TBCD: variants seen among roughly 807,000 people sequenced by gnomAD.
TBCD encodes tubulin-specific chaperone D.
In TBCD, 105 loss-of-function variants were observed where a neutral mutation model predicts 169.3. The ratio of observed to expected loss-of-function variants is 0.62; its 90% CI spans 0.53 to 0.73. The LOEUF is 0.73. TBCD is among the 30% of genes least tolerant of loss of function. TBCD has a pLI of 0.00. For missense variants in TBCD, 1,444 were observed against 1,600.1 expected (o/e 0.90, Z 1.66); for synonymous variants, 700 against 643.9 (o/e 1.09, Z -1.32).
chr17:82,931,937 T>C lies in TBCD; in HGVS notation c.3114-721T>C, dbSNP rs56314610. On this transcript the variant is annotated intron_variant, in intron 33 of 38. Coordinates refer to ENST00000355528, the MANE Select transcript of TBCD (RefSeq NM_005993.5). ...TCTGAGGTCACTCTCACTGGCGCGT[T>C]GCTGTTTTATATTCTCTTTGGAGAA... The C allele has an allele frequency of 2.9e-3, 445 of 152,622 alleles. 3 individuals are homozygous for C. The highest frequency in any genetic ancestry group is 5.7e-3 in the Non-Finnish European group (391 of 68,258). 9.5% of individuals were successfully genotyped at this position (152,622 alleles called of 1,614,324 possible). A position where few individuals can be genotyped will look rare whatever the true frequency, so the allele number is the denominator to read the frequency against.
chr17:82,897,779 C>G (rs1207309762), intron 17 of TBCD, among the ~76,000 whole-genome samples: 1 of 152,212 alleles, frequency 6.6e-6, no homozygotes, highest in Non-Finnish European at 1.5e-5. Context: ...CTGCTGCCTG[C>G]CTCATCAGCT....
At chr17:82,941,348 A>C (rs1048372279) in intron 37 of TBCD, 51 bp from the exon 38 acceptor site, 16 of 1,501,110 alleles carry the variant, frequency 1.1e-5, no homozygotes, top group Non-Finnish European at 1.4e-5. Flanking sequence ...CGCACACCTG[A>C]GGTTCTCCGG....
chr17:82,856,955 CGCGTGCGG>C, intron 13 of TBCD, among the ~76,000 whole-genome samples: 1 of 145,856 alleles, frequency 6.9e-6, no homozygotes, highest in African/African-American at 2.6e-5. Flanking sequence ...ATCGCTGGAC[CGCGTGCGG>C]ACCCTCGGTG....
intron 6 of TBCD, among the ~76,000 whole-genome samples, chr17:82,779,505 A>G (rs1294978845): frequency 6.6e-6 from 1 of 152,300 alleles, no homozygotes; most frequent in East Asian, 1.9e-4. Flanking sequence ...CCACAGGGAC[A>G]GTGGCGGAGG....
At chr17:82,866,360 C>G (rs1453618976) in intron 13 of TBCD, among the ~76,000 whole-genome samples, 1 of 152,218 alleles carries the variant, frequency 6.6e-6, no homozygotes, top group Non-Finnish European at 1.5e-5. Flanking sequence ...CTTGGTTTTT[C>G]TGTTCTTGTT....
At chr17:82,852,980 G>C (rs2055927588) in intron 13 of TBCD, among the ~76,000 whole-genome samples, 1 of 152,224 alleles carries the variant, frequency 6.6e-6, no homozygotes, top group South Asian at 2.1e-4. Flanking sequence ...TAGTGATGAT[G>C]ATGGAGAGCG....
Position 82,925,092 on chromosome 17 carries a change from G to A in TBCD, c.2379+35G>A, listed in dbSNP as rs2147218746. ...GCCACGCGCAGTGGACGGGGCCTAG[G>A]GCGAGGGTGTGGGAGCCTCGTGTGT... is the stretch of plus-strand genomic sequence containing the variant. On this transcript the variant is annotated intron_variant, in intron 27 of 38. Coordinates refer to ENST00000355528, the MANE Select transcript of TBCD (RefSeq NM_005993.5). 3 of 1,509,572 alleles carry A rather than the reference G, an allele frequency of 2.0e-6. No individual in the cohort carries two copies. The East Asian group carries it at 7.4e-5, about 37-fold the overall frequency. 93.5% of individuals were successfully genotyped at this position (1,509,572 alleles called of 1,614,324 possible).
chr17:82,801,811 C>T (rs117948248), intron 9 of TBCD, among the ~76,000 whole-genome samples: 12,805 of 129,312 alleles, frequency 0.099, 729 homozygotes, highest in East Asian at 0.14. Context: ...TCGGAGTCAG[C>T]GTGGCAGGAG....
chr17:82,925,251 C>T (rs1599603904), intron 27 of TBCD, among the ~76,000 whole-genome samples, 194 bp downstream of exon 27: 1 of 152,368 alleles, frequency 6.6e-6, no homozygotes. Context: ...CCTTAGGGCC[C>T]TGGCGAACCC....
rs967264324 is a variant in TBCD, at chr17:82,874,766, C to T, written c.1475+4386C>T. Among the ~76,000 whole-genome samples the T allele has an allele frequency of 6.6e-5, 10 of 152,228 alleles. No individual in the cohort carries two copies. Among genetic ancestry groups the T allele is most frequent in the East Asian group, 3.8e-4 (2 of 5,196 alleles). ...TCCCTGCCCAGGAGCCCTGCGCACCCGGGTATCGGTTGGGGTGTGCCCTTC... is the reference window on the plus strand; with the variant it reads ...TCCCTGCCCAGGAGCCCTGCGCACCTGGGTATCGGTTGGGGTGTGCCCTTC... On this transcript the variant is annotated intron_variant, in intron 14 of 38. Transcript: ENST00000355528. The surrounding 1 kb of genome is among the most constrained non-coding windows in gnomAD (Gnocchi z 5.0).
At chr17:82,813,732 T>C (rs1390535893) in intron 12 of TBCD, among the ~76,000 whole-genome samples, 1 of 152,226 alleles carries the variant, frequency 6.6e-6, no homozygotes, top group Non-Finnish European at 1.5e-5. Flanking sequence ...ACGCAAGTGC[T>C]GATGTGAAAA....
At chr17:82,898,098 C>T (rs56158667) in intron 17 of TBCD, among the ~76,000 whole-genome samples, 109 of 143,358 alleles carry the variant, frequency 7.6e-4, no homozygotes, top group African/African-American at 2.8e-3. Flanking sequence ...TGTGAGCACA[C>T]GGCATGGCTC....
rs544988459 is a variant in TBCD, at chr17:82,778,505, C to T, written c.639-3084C>T. 3.3e-5 allele frequency among the ~76,000 whole-genome samples: 5 copies of T among 152,302 alleles called. No homozygotes were observed. The South Asian group carries it at 6.2e-4, about 19-fold the overall frequency. On this transcript the variant is annotated intron_variant, in intron 6 of 38. Transcript: ENST00000355528. ...ACAGGGTCTCACTCTGTTGCCCAGG[C>T]GCGAGTGCAGTGGCGTGATCACAGT...
chr17:82,869,630 G>A (rs1357037053), intron 13 of TBCD, among the ~76,000 whole-genome samples: 5 of 152,250 alleles, frequency 3.3e-5, no homozygotes, highest in African/African-American at 7.2e-5. Flanking sequence ...ATTTCTCTGC[G>A]TGGCTGTTTT....
At chr17:82,766,513 C>G (rs1383972218) in intron 4 of TBCD, 145 bp downstream of exon 4, 1 of 563,552 alleles carries the variant, frequency 1.8e-6, no homozygotes, top group African/African-American at 1.9e-5. Flanking sequence ...TCTTTCTTTT[C>G]TTTTCACTTT....
At chr17:82,810,086 C>T (rs531171140) in intron 12 of TBCD, among the ~76,000 whole-genome samples, 1 of 152,298 alleles carries the variant, frequency 6.6e-6, no homozygotes, top group South Asian at 2.1e-4. Flanking sequence ...CGAGAGCTTT[C>T]TGTGGGAGGT....
chr17:82,838,598 C>T (rs1420659488), intron 13 of TBCD: 4 of 968,938 alleles, frequency 4.1e-6, no homozygotes, highest in African/African-American at 1.8e-5. Flanking sequence ...CGCCTACCCA[C>T]TGTGATGTCG....
chr17:82,872,945 C>T (rs1241361136), intron 14 of TBCD, among the ~76,000 whole-genome samples: 2 of 143,616 alleles, frequency 1.4e-5, no homozygotes, highest in African/African-American at 5.6e-5. Flanking sequence ...TGAGCCAGGC[C>T]CGGCACCTCG....
chr17:82,899,690 T>C (rs956539735), intron 17 of TBCD, among the ~76,000 whole-genome samples: 14 of 152,382 alleles, frequency 9.2e-5, no homozygotes, highest in Admixed American at 6.5e-5. Flanking sequence ...TTTAACTTTA[T>C]GAGAAACTGC....
Sources: gnomAD v4.1 joint callset for allele counts (sites outside exome capture counted in the v4.1 genomes callset) on GRCh38, gnomAD v4.1.1 for gene constraint, Gnocchi (gnomAD v3.1) non-coding constraint, MANE v1.5 for transcripts, NCBI Gene and HGNC (gene_info 2026-07-23, HGNC 2026-07-21) for gene names.